The following LPP variants were observed in gnomAD, a reference collection of about 807,000 sequenced individuals.
LPP encodes the protein lipoma-preferred partner.
In LPP, 38 loss-of-function variants were observed where a neutral mutation model predicts 60.4. That is an observed-to-expected ratio of 0.63 (90% CI 0.49 to 0.83). The LOEUF (loss-of-function observed/expected upper bound fraction) is 0.83. Among genes scored for constraint, LPP ranks in the 40% least tolerant of loss-of-function variants. The pLI, the probability that LPP is intolerant of heterozygous loss-of-function variation, is 0.00. For missense variants in LPP, 902 were observed against 783.6 expected (o/e 1.15, Z -1.80); for synonymous variants, 328 against 290.8 (o/e 1.13, Z -1.30).
rs1399975250 is a variant in LPP at position 188,760,433 on chromosome 3, T to TGTGTGTGTGTGTGTGTGTGC, written c.1410+154_1410+155insTGTGTGTGTGTGTGTGCGTG. The TGTGTGTGTGTGTGTGTGTGC allele has an allele frequency of 6.8e-6, 5 of 730,026 alleles. No individual in the cohort carries two copies. The African/African-American group carries it at 9.2e-5, about 13-fold the overall frequency. 45.2% of individuals were successfully genotyped at this position (730,026 alleles called of 1,614,324 possible). A position where few individuals can be genotyped will look rare whatever the true frequency, so the allele number is the denominator to read the frequency against. ...GGGTGTGTGTGTGTGTGTGTGTGTG[T>TGTGTGTGTGTGTGTGTGTGC]GTGCGTGCGCGCATGTAAATTAGCA... On this transcript the variant is annotated intron_variant, in intron 9 of 11. Transcript: ENST00000617246.
At chr3:188,221,572 C>T (rs1715795105) in intron 1 of LPP, among the ~76,000 whole-genome samples, 1 of 152,158 alleles carries the variant, frequency 6.6e-6, no homozygotes, top group Admixed American at 6.5e-5. Context: ...CTGGGGTTCC[C>T]ATGATTTGTT....
At position 188,266,552 on chromosome 3, in the gene LPP, C is replaced by CAGAG. The variant is rs111754646; in HGVS notation, c.-67+41043_-67+41046dup. Among the ~76,000 whole-genome samples the CAGAG allele has an allele frequency of 8.9e-3, 1,318 of 147,738 alleles. 13 individuals carry two copies. Among genetic ancestry groups the CAGAG allele is most frequent in the African/African-American group, 0.03 (1,188 of 40,202 alleles). The stretch of plus-strand genomic sequence containing the variant: ...GGGAGGAGAGGAGAGACGGGGAAGA[C>CAGAG]AGAGAGAGAGAGAGAGAGAGAAAGG... On this transcript the variant is annotated intron_variant, in intron 2 of 11. Coordinates refer to ENST00000617246, the MANE Select transcript of LPP (RefSeq NM_001375462.1).
intron 4 of LPP, among the ~76,000 whole-genome samples, chr3:188,468,384 A>G (rs1327923082): frequency 1.3e-5 from 2 of 152,172 alleles, no homozygotes; most frequent in South Asian, 2.1e-4. Flanking sequence ...GCCATAGACA[A>G]TAAGTAAATG....
intron 5 of LPP, among the ~76,000 whole-genome samples, chr3:188,517,107 T>C (rs1817587712): frequency 1.3e-5 from 2 of 152,218 alleles, no homozygotes; most frequent in Admixed American, 1.3e-4. Flanking sequence ...ATTGAATGCT[T>C]ATTATGTGAA....
At chr3:188,184,572 C>T (rs551833393) in intron 1 of LPP, among the ~76,000 whole-genome samples, 233 of 152,072 alleles carry the variant, frequency 1.5e-3, no homozygotes, top group Non-Finnish European at 2.7e-3. Context: ...GGTCACCATA[C>T]TGAGCTGTGT....
chr3:188,490,952 G>A (rs191692303), intron 5 of LPP, among the ~76,000 whole-genome samples: 2 of 151,600 alleles, frequency 1.3e-5, no homozygotes, highest in African/African-American at 2.4e-5. Flanking sequence ...TAGTAGAGAC[G>A]AGGTTTCACC....
intron 2 of LPP, among the ~76,000 whole-genome samples, chr3:188,247,759 A>T (rs1289031775): frequency 6.6e-6 from 1 of 150,862 alleles, no homozygotes; most frequent in African/African-American, 2.4e-5. Context: ...AGATTGCGCC[A>T]TTGCACTCCA....
rs564053369 is a variant in LPP, at chr3:188,506,883, C to T, written c.307-17782C>T. On this transcript the variant is annotated intron_variant, in intron 5 of 11. Transcript: ENST00000617246. ...CGCAATCTCGGCTCACTGCAAGCTC[C>T]GCCTCCCGGGTTCACGCCATTCTCC... is the stretch of plus-strand genomic sequence containing the variant. 2.6e-4 allele frequency among the ~76,000 whole-genome samples: 39 copies of T among 152,098 alleles called. 1 individual carries two copies. The highest frequency in any genetic ancestry group is 6.8e-3 in the Middle Eastern group (2 of 294).
intron 9 of LPP, among the ~76,000 whole-genome samples, chr3:188,835,826 A>G (rs1758316390): frequency 6.6e-6 from 1 of 152,224 alleles, no homozygotes; most frequent in African/African-American, 2.4e-5. Context: ...TAAATAAGGT[A>G]GCAATTCCTG....
At chr3:188,307,594 C>T (rs941414179) in intron 2 of LPP, among the ~76,000 whole-genome samples, 2 of 152,146 alleles carry the variant, frequency 1.3e-5, no homozygotes, top group African/African-American at 4.8e-5. Context: ...ATGTAAGCTC[C>T]GTGAGCGCCA....
chr3:188,373,850 T>G (rs9713173), intron 3 of LPP, among the ~76,000 whole-genome samples: 50,779 of 149,736 alleles, frequency 0.34, 9,954 homozygotes, highest in Middle Eastern at 0.6. Context: ...GGTCTAACGT[T>G]TAAGTCTTTA....
chr3:188,182,816 AT>A lies in LPP; in HGVS notation c.-190+28565del, dbSNP rs1725522847. On this transcript the variant is annotated intron_variant, in intron 1 of 11. Transcript: ENST00000617246. This position sits in a 1 kb window ranked among gnomAD's most constrained non-coding sequence, Gnocchi z 4.4. ...CATATACAATATATGCACATATATA[AT>A]ATATGTACATATAATATACATACAC... 6.6e-6 allele frequency among the ~76,000 whole-genome samples: 1 copy of A among 151,390 alleles called. No individual in the cohort carries two copies. Among genetic ancestry groups the A allele is most frequent in the African/African-American group, 2.4e-5 (1 of 41,266 alleles).
chr3:188,305,662 C>T (rs1024878150), intron 2 of LPP, among the ~76,000 whole-genome samples: 13 of 152,132 alleles, frequency 8.5e-5, no homozygotes, highest in African/African-American at 1.7e-4. Context: ...TGACTATAGA[C>T]TTAAGAGAAC....
At chr3:188,235,802 A>G in intron 2 of LPP, among the ~76,000 whole-genome samples, 1 of 152,108 alleles carries the variant, frequency 6.6e-6, no homozygotes, top group East Asian at 1.9e-4. Flanking sequence ...ATTGTCAATG[A>G]TTGGCTGTTT....
At chr3:188,734,866 A>G (rs994962747) in intron 8 of LPP, among the ~76,000 whole-genome samples, 1 of 152,234 alleles carries the variant, frequency 6.6e-6, no homozygotes, top group African/African-American at 2.4e-5. Context: ...CATATGGTCA[A>G]GAGCCTGAGG....
intron 2 of LPP, among the ~76,000 whole-genome samples, chr3:188,252,152 T>C (rs2149586618): frequency 8.6e-6 from 1 of 116,060 alleles, no homozygotes; most frequent in Non-Finnish European, 1.8e-5. Flanking sequence ...AAACCTGTAA[T>C]GCCCCTTCTT....
At position 188,175,163 on chromosome 3, in the gene LPP, T is replaced by TTG. The variant is rs747166701; in HGVS notation, c.-190+20911_-190+20912insTG. Among the ~76,000 whole-genome samples the TTG allele has an allele frequency of 1.1e-3, 163 of 152,260 alleles. 1 individual carries two copies. Among genetic ancestry groups the TTG allele is most frequent in the East Asian group, 9.3e-3 (48 of 5,172 alleles). On this transcript the variant is annotated intron_variant, in intron 1 of 11. Coordinates refer to ENST00000617246, the MANE Select transcript of LPP (RefSeq NM_001375462.1). The stretch of plus-strand genomic sequence containing the variant: ...GTGCAGTCGTGGGTTCTTGGCTCAC[T>TTG]GCAACTCCACCTCCTGGGTTCAGGC...
intron 6 of LPP, among the ~76,000 whole-genome samples, chr3:188,536,030 T>C (rs10937351): frequency 0.49 from 70,273 of 142,520 alleles, 17,791 homozygotes; most frequent in East Asian, 0.92. Context: ...TTTTTTGATA[T>C]GGAGTTTCAG....
intron 9 of LPP, among the ~76,000 whole-genome samples, chr3:188,789,029 G>A (rs993793281): frequency 6.6e-6 from 1 of 151,826 alleles, no homozygotes; most frequent in Non-Finnish European, 1.5e-5. Context: ...CCCAGTCTGT[G>A]GCCACTAACC....
Sources: allele counts gnomAD v4.1 joint callset (sites outside exome capture counted in the v4.1 genomes callset), GRCh38; gene constraint gnomAD v4.1.1; non-coding constraint Gnocchi (gnomAD v3.1); transcripts MANE v1.5; gene names NCBI Gene and HGNC (gene_info 2026-07-23, HGNC 2026-07-21).